CADPS2: variants seen among roughly 807,000 people sequenced by gnomAD.
CADPS2 encodes calcium-dependent secretion activator 2.
In CADPS2, 93 loss-of-function variants were observed where a neutral mutation model predicts 172.5. The ratio of observed to expected loss-of-function variants is 0.54; its 90% confidence interval spans 0.46 to 0.64. The LOEUF is 0.64. Ranked by LOEUF, CADPS2 falls within the 30% of genes least tolerant of loss-of-function variation. The probability of loss-of-function intolerance (pLI) is 0.00; values close to 1 mark genes in which losing one functional copy is unlikely to be tolerated. For synonymous variants in CADPS2, 546 were observed against 555.2 expected (o/e 0.98, Z 0.23); for missense variants, 1,420 against 1,565.9 (o/e 0.91, Z 1.57).
intron 7 of CADPS2, among the ~76,000 whole-genome samples, chr7:122,572,548 T>A (rs1228930562): frequency 6.6e-6 from 1 of 152,162 alleles, no homozygotes; most frequent in Non-Finnish European, 1.5e-5. Context: ...CTCCAAAAAT[T>A]TTTTTGTACT....
At chr7:122,630,732 T>C (rs890874351) in intron 3 of CADPS2, among the ~76,000 whole-genome samples, 1 of 152,174 alleles carries the variant, frequency 6.6e-6, no homozygotes, top group African/African-American at 2.4e-5. Flanking sequence ...ATACACAAAA[T>C]GTTAAATTGA....
At chr7:122,742,252 G>A (rs530033799) in intron 1 of CADPS2, among the ~76,000 whole-genome samples, 8 of 151,866 alleles carry the variant, frequency 5.3e-5, no homozygotes, top group East Asian at 1.9e-4. Flanking sequence ...AAAATTAGCC[G>A]GGTGTGGTGG....
rs372662595 is a variant in CADPS2 at position 122,399,893 on chromosome 7, C to A, written c.2747-6311G>T. Among the ~76,000 whole-genome samples the A allele has an allele frequency of 6.1e-5, 9 of 148,402 alleles. No homozygotes were observed. The East Asian group carries it at 1.7e-3, about 28-fold the overall frequency. On this transcript the variant is annotated intron_variant, in intron 20 of 29. Coordinates refer to ENST00000449022, the MANE Select transcript of CADPS2 (RefSeq NM_017954.11). The stretch of plus-strand genomic sequence containing the variant: ...AGTAGAGACGGGGTTTCACCGTGGT[C>A]TCGATCTCCTGACCTCGTGATCCGT...
chr7:122,692,601 C>T (rs984362580), intron 2 of CADPS2, among the ~76,000 whole-genome samples: 4 of 152,336 alleles, frequency 2.6e-5, no homozygotes, highest in African/African-American at 9.6e-5. Context: ...GCTGCGGCCA[C>T]ATAGCCGACC....
chr7:122,808,057 A>C (rs1799179295), intron 1 of CADPS2, among the ~76,000 whole-genome samples: 1 of 152,198 alleles, frequency 6.6e-6, no homozygotes, highest in Non-Finnish European at 1.5e-5. Flanking sequence ...AGCACTTGCC[A>C]CAATAACATT....
At chr7:122,408,669 TGCCGGCCTTG>T (rs1181607289) in intron 19 of CADPS2, among the ~76,000 whole-genome samples, 14 of 152,190 alleles carry the variant, frequency 9.2e-5, no homozygotes, top group Non-Finnish European at 1.8e-4. Flanking sequence ...TCAAGTGATC[TGCCGGCCTTG>T]GCCTCTCAGA....
intron 8 of CADPS2, among the ~76,000 whole-genome samples, chr7:122,526,059 T>C (rs2061206583): frequency 6.6e-6 from 1 of 152,170 alleles, no homozygotes; most frequent in Non-Finnish European, 1.5e-5. Context: ...ACAGCTTTGC[T>C]CTTGTTCTTG....
At chr7:122,825,509 G>C (rs1379414070) in intron 1 of CADPS2, among the ~76,000 whole-genome samples, 1 of 152,130 alleles carries the variant, frequency 6.6e-6, no homozygotes, top group Non-Finnish European at 1.5e-5. Context: ...ATTGCCAAAA[G>C]AAGCAATAGA....
At chr7:122,488,403 C>A (rs1445345070) in intron 11 of CADPS2, among the ~76,000 whole-genome samples, 1 of 152,178 alleles carries the variant, frequency 6.6e-6, no homozygotes. Flanking sequence ...TGAGTGAGCA[C>A]CCCTGTGCAT....
chr7:122,781,101 A>G (rs901161513), intron 1 of CADPS2, among the ~76,000 whole-genome samples: 2 of 152,236 alleles, frequency 1.3e-5, no homozygotes, highest in African/African-American at 4.8e-5. Flanking sequence ...ACTCATGACT[A>G]AAATACTATT....
At chr7:122,752,427 A>T (rs1420174061) in intron 1 of CADPS2, among the ~76,000 whole-genome samples, 1 of 152,212 alleles carries the variant, frequency 6.6e-6, no homozygotes, top group African/African-American at 2.4e-5. Context: ...GAAATTTGGC[A>T]ATAAGGTAGA....
intron 14 of CADPS2, among the ~76,000 whole-genome samples, chr7:122,455,944 C>T (rs538458548): frequency 7.9e-5 from 12 of 152,152 alleles, no homozygotes; most frequent in Admixed American, 2.6e-4. Flanking sequence ...CTCAGGTGAT[C>T]CACCCTCCTC....
chr7:122,547,558 C>T (rs946225384), intron 8 of CADPS2, among the ~76,000 whole-genome samples: 9 of 152,078 alleles, frequency 5.9e-5, no homozygotes, highest in Admixed American at 2.6e-4. Flanking sequence ...CTACTAAATA[C>T]TAGGCAATGT....
At position 122,438,326 on chromosome 7, in the gene CADPS2, G is replaced by A. The variant is rs1174669713; in HGVS notation, c.2476+15C>T. On this transcript the variant is annotated intron_variant, in intron 17 of 29. Coordinates refer to ENST00000449022, the MANE Select transcript of CADPS2 (RefSeq NM_017954.11). ...GGCTCTCACTGCCACTTCGACAATTGCTCACTGCACTGACCTTCTATTTTG... is the reference window on the plus strand; with the variant it reads ...GGCTCTCACTGCCACTTCGACAATTACTCACTGCACTGACCTTCTATTTTG... 1 of 1,612,278 alleles carries A rather than the reference G, an allele frequency of 6.2e-7. No homozygotes were observed. The highest frequency in any genetic ancestry group is 8.5e-7 in the Non-Finnish European group (1 of 1,178,768).
At position 122,581,163 on chromosome 7, in the gene CADPS2, G is replaced by T; in HGVS notation, c.1335+16C>A. On this transcript the variant is annotated intron_variant, in intron 7 of 29. Coordinates refer to ENST00000449022, the MANE Select transcript of CADPS2 (RefSeq NM_017954.11). ...AAACTGTTCTACCCTGGACACACAGGCTGACCACAACTCACCCTTCCCAGT... is the reference window on the plus strand; with the variant it reads ...AAACTGTTCTACCCTGGACACACAGTCTGACCACAACTCACCCTTCCCAGT... The T allele has an allele frequency of 6.3e-7, 1 of 1,594,288 alleles. No individual in the cohort carries two copies. The highest frequency in any genetic ancestry group is 8.6e-7 in the Non-Finnish European group (1 of 1,162,368).
At chr7:122,780,041 T>C (rs1380794237) in intron 1 of CADPS2, among the ~76,000 whole-genome samples, 1 of 152,228 alleles carries the variant, frequency 6.6e-6, no homozygotes, top group East Asian at 1.9e-4. Context: ...AATTTTTATG[T>C]AATTTTTGGT....
chr7:122,356,366 G>A (rs541213119), intron 27 of CADPS2, among the ~76,000 whole-genome samples: 2 of 152,284 alleles, frequency 1.3e-5, no homozygotes, highest in East Asian at 3.9e-4. Context: ...TAGAGGTAAA[G>A]TGCCATTTTC....
Position 122,617,988 on chromosome 7 carries a change from G to T in CADPS2, c.1105-2689C>A, listed in dbSNP as rs186688985. On this transcript the variant is annotated intron_variant, in intron 5 of 29. Coordinates refer to ENST00000449022, the MANE Select transcript of CADPS2 (RefSeq NM_017954.11). ...AACCTGGGAGGCGGAGGTTGGCAGT[G>T]AGCCGAGATCGTGCCACTGCACTCC... Among the ~76,000 whole-genome samples the T allele has an allele frequency of 6.0e-5, 9 of 151,238 alleles. No homozygotes were observed. The East Asian group carries it at 1.4e-3, about 23-fold the overall frequency.
chr7:122,873,102 A>T (rs537081612), intron 1 of CADPS2, among the ~76,000 whole-genome samples: 4 of 152,294 alleles, frequency 2.6e-5, no homozygotes, highest in African/African-American at 7.2e-5. Flanking sequence ...TGGAGAAAGT[A>T]AAACCCACCT....
Sources: gnomAD v4.1 joint callset for allele counts (sites outside exome capture counted in the v4.1 genomes callset) on GRCh38, gnomAD v4.1.1 for gene constraint, MANE v1.5 for transcripts, NCBI Gene and HGNC (gene_info 2026-07-23, HGNC 2026-07-21) for gene names.